CCDC85C: variants seen among roughly 807,000 people sequenced by gnomAD.
The protein encoded by CCDC85C is coiled-coil domain containing 85C, also known as coiled-coil domain-containing protein 85C.
Under a neutral mutation model 38.3 loss-of-function variants are expected in CCDC85C, and 18 were observed. The observed-to-expected ratio is 0.47, with a 90% CI of 0.33 to 0.70. The LOEUF (loss-of-function observed/expected upper bound fraction) is 0.70. Among genes scored for constraint, CCDC85C ranks in the 30% least tolerant of loss-of-function variants. The pLI, the probability that CCDC85C is intolerant of heterozygous loss-of-function variation, is 0.03. For synonymous variants in CCDC85C, 264 were observed against 293.8 expected (o/e 0.90, Z 1.04); for missense variants, 566 against 621.2 (o/e 0.91, Z 0.94).
chr14:99,555,207 G>A, intron 1 of CCDC85C, among the ~76,000 whole-genome samples: 1 of 152,210 alleles, frequency 6.6e-6, no homozygotes, highest in East Asian at 1.9e-4. Flanking sequence ...CCCAGCTGCT[G>A]AGAACTGCCC....
chr14:99,529,650 A>T (rs1897454645), intron 2 of CCDC85C, among the ~76,000 whole-genome samples: 1 of 152,224 alleles, frequency 6.6e-6, no homozygotes, highest in Admixed American at 6.5e-5. Flanking sequence ...GTGACCTGCC[A>T]GCCTTGGCCT....
chr14:99,510,562 C>T lies in CCDC85C; in HGVS notation c.*4684G>A. On this transcript the variant is annotated 3_prime_UTR_variant, in exon 6 of 6. Transcript: ENST00000380243. The stretch of plus-strand genomic sequence containing the variant: ...CCACCCCCTACTCCTGGCTACCCCC[C>T]ACCCCCACCCACCTACAACCCCAAC... 1 of 402,516 alleles carries T rather than the reference C, an allele frequency of 2.5e-6. No individual in the cohort carries two copies. 24.9% of individuals were successfully genotyped at this position (402,516 alleles called of 1,614,324 possible).
rs1566751429 is a variant in CCDC85C, at chr14:99,502,469, A to G, written c.*12777T>C. 6.0e-6 allele frequency: 9 copies of G among 1,497,586 alleles called. No individual in the cohort carries two copies. The highest frequency in any genetic ancestry group is 7.1e-6 in the Non-Finnish European group (8 of 1,120,596). The allele number at this position is 1,497,586 out of a possible 1,614,324, so 92.8% of individuals were successfully genotyped here. A position where few individuals can be genotyped will look rare whatever the true frequency, so the allele number is the denominator to read the frequency against. On this transcript the variant is annotated 3_prime_UTR_variant, in exon 6 of 6. Coordinates refer to ENST00000380243, the MANE Select transcript of CCDC85C (RefSeq NM_001144995.2). The stretch of plus-strand genomic sequence containing the variant: ...GAGTCCCAAGAATGGATTTTCCCAG[A>G]TAGACATATGTGAGCAATATTTCAG...
intron 1 of CCDC85C, among the ~76,000 whole-genome samples, chr14:99,549,866 C>T (rs968571141): frequency 3.9e-5 from 6 of 152,180 alleles, no homozygotes; most frequent in Non-Finnish European, 5.9e-5. Context: ...TCCTTTCATG[C>T]GCAGGGCATG....
Position 99,569,690 on chromosome 14 carries a change from T to G in CCDC85C, c.793+33477A>C, listed in dbSNP as rs1309106136. On this transcript the variant is annotated intron_variant, in intron 1 of 5. Coordinates refer to ENST00000380243, the MANE Select transcript of CCDC85C (RefSeq NM_001144995.2). The surrounding 1 kb of genome is among the most constrained non-coding windows in gnomAD (Gnocchi z 4.3). Reference sequence around the variant, plus strand: ...GCAACCTCATCAGCACTTGAGACATTGCTAGTTCTTTGCACCTCTGCTTCC... The same window carrying G: ...GCAACCTCATCAGCACTTGAGACATGGCTAGTTCTTTGCACCTCTGCTTCC... 5.9e-5 allele frequency among the ~76,000 whole-genome samples: 9 copies of G among 152,166 alleles called. No homozygotes were observed. The highest frequency in any genetic ancestry group is 1.0e-4 in the Non-Finnish European group (7 of 68,036).
In CCDC85C at chr14:99,569,169, A is replaced by C. The variant is rs934952414; in HGVS notation, c.794-33081T>G. On this transcript the variant is annotated intron_variant, in intron 1 of 5. Transcript: ENST00000380243. This position sits in a 1 kb window ranked among gnomAD's most constrained non-coding sequence, Gnocchi z 4.3. ...AGCAATATCCATCTTTAACCAAAGA[A>C]TAAAGCAGTAAGGCCCACGTCGACC... 2.0e-5 allele frequency among the ~76,000 whole-genome samples: 3 copies of C among 152,248 alleles called. No individual in the cohort carries two copies. The highest frequency in any genetic ancestry group is 7.2e-5 in the African/African-American group (3 of 41,470).
Position 99,507,361 on chromosome 14 carries a change from G to C in CCDC85C, c.*7885C>G. The C allele has an allele frequency of 5.4e-6, 3 of 553,296 alleles. No homozygotes were observed. The highest frequency in any genetic ancestry group is 9.8e-6 in the Non-Finnish European group (3 of 306,534). 34.3% of individuals were successfully genotyped at this position (553,296 alleles called of 1,614,324 possible). On this transcript the variant is annotated 3_prime_UTR_variant, in exon 6 of 6. Coordinates refer to ENST00000380243, the MANE Select transcript of CCDC85C (RefSeq NM_001144995.2). Reference sequence around the variant, plus strand: ...GGAGGCGGAGGCAGGAGAATCACCTGACCCCAGGAGTTCGAGGTCAGCCTG... The same window carrying C: ...GGAGGCGGAGGCAGGAGAATCACCTCACCCCAGGAGTTCGAGGTCAGCCTG...
At chr14:99,598,515 G>C (rs1477169706) in intron 1 of CCDC85C, among the ~76,000 whole-genome samples, 1 of 152,162 alleles carries the variant, frequency 6.6e-6, no homozygotes, top group Non-Finnish European at 1.5e-5. Context: ...TAGGGAAGGT[G>C]GCCCACCCTG....
At chr14:99,531,275 G>T in intron 2 of CCDC85C, among the ~76,000 whole-genome samples, 1 of 152,148 alleles carries the variant, frequency 6.6e-6, no homozygotes, top group East Asian at 1.9e-4. Context: ...CTGCTCTTTT[G>T]TAAAGCTGGC....
intron 1 of CCDC85C, among the ~76,000 whole-genome samples, chr14:99,563,647 T>C (rs1279099595): frequency 1.3e-5 from 2 of 152,214 alleles, no homozygotes; most frequent in African/African-American, 4.8e-5. Context: ...GGCACCATGC[T>C]TCCCACGAGG....
intron 1 of CCDC85C, 88 bp from the exon 2 acceptor site, chr14:99,536,176 G>T: frequency 1.1e-6 from 1 of 935,538 alleles, no homozygotes; most frequent in Non-Finnish European, 1.7e-6. Flanking sequence ...GACCCGGCAT[G>T]GAAGGTTTGG....
rs1325301077 is a variant in CCDC85C at position 99,503,775 on chromosome 14, T to C, written c.*11471A>G. The C allele has an allele frequency of 1.4e-6, 1 of 724,950 alleles. No individual in the cohort carries two copies. The highest frequency in any genetic ancestry group is 2.3e-6 in the Non-Finnish European group (1 of 436,346). The allele number at this position is 724,950 out of a possible 1,614,324, so 44.9% of individuals were successfully genotyped here. A position where few individuals can be genotyped will look rare whatever the true frequency, so the allele number is the denominator to read the frequency against. On this transcript the variant is annotated 3_prime_UTR_variant, in exon 6 of 6. Coordinates refer to ENST00000380243, the MANE Select transcript of CCDC85C (RefSeq NM_001144995.2). ...TAACTTTAGAGCTCATACAAAACTT[T>C]TCCATCAGCATTGTCTTTCTGTTCA...
At chr14:99,581,054 G>A (rs1308385818) in intron 1 of CCDC85C, among the ~76,000 whole-genome samples, 1 of 152,166 alleles carries the variant, frequency 6.6e-6, no homozygotes, top group Non-Finnish European at 1.5e-5. Flanking sequence ...CAGAGTGAGG[G>A]CTGGAGGAGA....
intron 1 of CCDC85C, among the ~76,000 whole-genome samples, chr14:99,551,932 A>G (rs974521070): frequency 6.6e-5 from 10 of 152,312 alleles, no homozygotes; most frequent in Admixed American, 4.6e-4. Flanking sequence ...CCAGGTCCCA[A>G]AAGAAGAAAG....
chr14:99,557,751 C>T (rs1318399358), intron 1 of CCDC85C, among the ~76,000 whole-genome samples: 4 of 152,090 alleles, frequency 2.6e-5, no homozygotes, highest in Non-Finnish European at 2.9e-5. Flanking sequence ...CCCATCTCTA[C>T]TAAAAATACA....
In CCDC85C at chr14:99,552,160, C is replaced by A. The variant is rs183923437; in HGVS notation, c.794-16072G>T. Among the ~76,000 whole-genome samples, 7 of 152,132 alleles carry A rather than the reference C, an allele frequency of 4.6e-5. No individual in the cohort carries two copies. In the East Asian group the frequency reaches 5.8e-4, roughly 13 times the overall value. ...GCTCCTCCCAGGCCCGGCTAGCCTGCGCCCCAAAAAGCCCCAAGGTTGATC... is the reference window on the plus strand; with the variant it reads ...GCTCCTCCCAGGCCCGGCTAGCCTGAGCCCCAAAAAGCCCCAAGGTTGATC... On this transcript the variant is annotated intron_variant, in intron 1 of 5. Coordinates refer to ENST00000380243, the MANE Select transcript of CCDC85C (RefSeq NM_001144995.2).
rs1396609360 is a variant in CCDC85C, at chr14:99,604,203, G to A, written c.-244C>T. Among the ~76,000 whole-genome samples the A allele has an allele frequency of 4.0e-5, 6 of 148,610 alleles. No homozygotes were observed. Among genetic ancestry groups the A allele is most frequent in the African/African-American group, 1.5e-4 (6 of 41,082 alleles). On this transcript the variant is annotated 5_prime_UTR_variant, in exon 1 of 6. Transcript: ENST00000380243. The stretch of plus-strand genomic sequence containing the variant: ...GGCCGCGGTGCCGGGCGCTCTCAGG[G>A]TTCTGGAGAAGCAGGCGGAGGCCCG...
rs1358660015 is a variant in CCDC85C, at chr14:99,501,973, T to C, written c.*13273A>G. On this transcript the variant is annotated 3_prime_UTR_variant, in exon 6 of 6. Coordinates refer to ENST00000380243, the MANE Select transcript of CCDC85C (RefSeq NM_001144995.2). ...TTTCATTGGTGTAGCAATTTTTGGA[T>C]GTGCTAGAATTCTTCTGATTCTTTA... is the stretch of plus-strand genomic sequence containing the variant. 2 of 381,298 alleles carry C rather than the reference T, an allele frequency of 5.2e-6. No individual in the cohort carries two copies. The highest frequency in any genetic ancestry group is 9.2e-6 in the Non-Finnish European group (2 of 218,256). The allele number at this position is 381,298 out of a possible 1,614,324, so 23.6% of individuals were successfully genotyped here. A position where few individuals can be genotyped will look rare whatever the true frequency, so the allele number is the denominator to read the frequency against.
intron 1 of CCDC85C, among the ~76,000 whole-genome samples, chr14:99,586,565 C>T (rs895928571): frequency 1.3e-5 from 2 of 152,210 alleles, no homozygotes; most frequent in African/African-American, 4.8e-5. Context: ...GGCTCCGCTT[C>T]CCATCTGCAC....
Sources: gnomAD v4.1 joint callset for allele counts (sites outside exome capture counted in the v4.1 genomes callset) on GRCh38, gnomAD v4.1.1 for gene constraint, Gnocchi (gnomAD v3.1) non-coding constraint, MANE v1.5 for transcripts, NCBI Gene and HGNC (gene_info 2026-07-23, HGNC 2026-07-21) for gene names.